Variants in TM4SF4 observed in about 807,000 individuals in gnomAD.
TM4SF4 encodes transmembrane 4 L six family member 4.
A neutral mutation model predicts 24.1 loss-of-function variants in TM4SF4; 24 were observed. That is an observed-to-expected ratio of 1.00 (90% CI 0.72 to 1.40). The LOEUF (loss-of-function observed/expected upper bound fraction) is 1.40. TM4SF4 is among the 40% of genes most tolerant of loss of function. The probability of loss-of-function intolerance (pLI) is 0.00; values close to 1 mark genes in which losing one functional copy is unlikely to be tolerated. For synonymous variants in TM4SF4, 113 were observed against 97.0 expected (o/e 1.17, Z -0.97); for missense variants, 254 against 254.2 (o/e 1.00, Z 0.01).
intron 1 of TM4SF4, 32 bp downstream of exon 1, chr3:149,475,083 G>C: frequency 6.3e-7 from 1 of 1,589,932 alleles, no homozygotes; most frequent in Non-Finnish European, 8.5e-7. Context: ...CCCCCTAAGG[G>C]AGATTTTCCC....
chr3:149,482,604 T>C (rs569906971), intron 2 of TM4SF4, among the ~76,000 whole-genome samples: 1 of 152,152 alleles, frequency 6.6e-6, no homozygotes, highest in African/African-American at 2.4e-5. Flanking sequence ...AGTGCAGTGG[T>C]GCAATCTCAG....
At chr3:149,497,969 A>G (rs1384490157) in intron 3 of TM4SF4, among the ~76,000 whole-genome samples, 4 of 152,034 alleles carry the variant, frequency 2.6e-5, no homozygotes, top group Non-Finnish European at 5.9e-5. Flanking sequence ...ATTGCAATAA[A>G]CTCTTTATAT....
intron 3 of TM4SF4, among the ~76,000 whole-genome samples, chr3:149,490,741 T>C (rs1374908869): frequency 6.6e-6 from 1 of 152,214 alleles, no homozygotes; most frequent in African/African-American, 2.4e-5. Flanking sequence ...CATAAGCATA[T>C]AGTAACTGTT....
At position 149,475,010 on chromosome 3, in the gene TM4SF4, G is replaced by A; in HGVS notation, c.133G>A (p.Glu45Lys). Residue 45 changes from glutamate (E) to lysine (K), a missense_variant, in exon 1 of 5, where the codon GAG (glutamate) becomes AAG (lysine). Physicochemically the swap from Glu to Lys is moderately conservative, Grantham distance 56. Coordinates refer to ENST00000305354, the MANE Select transcript of TM4SF4 (RefSeq NM_004617.4). ...VIDDNDHLSQ[E>K]IWFFGGILGS... is the part of the protein sequence containing the mutation. ...AGATGACAACGACCACCTTTCCCAA[G>A]AGATCTGGTTTTTCGGAGGAATATT... is the stretch of plus-strand genomic sequence containing the variant. 1.9e-6 allele frequency: 3 copies of A among 1,613,834 alleles called. No homozygotes were observed. The highest frequency in any genetic ancestry group is 1.3e-5 in the African/African-American group (1 of 74,994).
rs190807463 is a variant in TM4SF4, at chr3:149,495,460, A to T, written c.402-3262A>T. Reference sequence around the variant, plus strand: ...GGAAACTGGTGTTCTCAAACCCAGCATGGTGGTCACCTTTGCTCCAGTCAA... The same window carrying T: ...GGAAACTGGTGTTCTCAAACCCAGCTTGGTGGTCACCTTTGCTCCAGTCAA... On this transcript the variant is annotated intron_variant, in intron 3 of 4. Coordinates refer to ENST00000305354, the MANE Select transcript of TM4SF4 (RefSeq NM_004617.4). 10 of 423,816 alleles carry T rather than the reference A, an allele frequency of 2.4e-5. 1 individual carries two copies. The Admixed American group carries it at 2.7e-4, about 12-fold the overall frequency. The allele number at this position is 423,816 out of a possible 1,614,324, so 26.3% of individuals were successfully genotyped here.
chr3:149,475,897 T>G lies in TM4SF4; in HGVS notation c.249T>G (p.Cys83Trp), dbSNP rs1802837. ...DCCGCCGNEG[C>W]GKRFAMFTST... Reference sequence around the variant, plus strand: ...GTGGGTGCTGCGGCAACGAGGGCTGTGGGAAGCGATTTGCGGTGAGTTACC... The same window carrying G: ...GTGGGTGCTGCGGCAACGAGGGCTGGGGGAAGCGATTTGCGGTGAGTTACC... Residue 83 changes from cysteine (C) to tryptophan (W), a missense_variant, in exon 2 of 5, where the codon TGT becomes TGG. Transcript: ENST00000305354. 2 of 1,611,384 alleles carry G rather than the reference T, an allele frequency of 1.2e-6. No homozygotes were observed. Among genetic ancestry groups the G allele is most frequent in the South Asian group, 1.1e-5 (1 of 90,540 alleles).
At chr3:149,493,266 T>C (rs1358701358) in intron 3 of TM4SF4, among the ~76,000 whole-genome samples, 3 of 152,220 alleles carry the variant, frequency 2.0e-5, no homozygotes, top group Admixed American at 1.3e-4. Flanking sequence ...AAAACCTCTT[T>C]ATTGTGATAT....
At chr3:149,482,068 G>T (rs566144327) in intron 2 of TM4SF4, among the ~76,000 whole-genome samples, 1 of 152,294 alleles carries the variant, frequency 6.6e-6, no homozygotes, top group African/African-American at 2.4e-5. Flanking sequence ...GTGAGGCACT[G>T]GGGATTACTA....
At chr3:149,486,569 G>A (rs1734120251) in intron 2 of TM4SF4, among the ~76,000 whole-genome samples, 1 of 152,106 alleles carries the variant, frequency 6.6e-6, no homozygotes, top group Non-Finnish European at 1.5e-5. Context: ...TAACCTAGCT[G>A]GGTTCCAGGA....
chr3:149,491,987 C>T (rs1734219389), intron 3 of TM4SF4, among the ~76,000 whole-genome samples: 1 of 152,100 alleles, frequency 6.6e-6, no homozygotes, highest in Non-Finnish European at 1.5e-5. Context: ...CAGGGCACAG[C>T]AGGGGACTTC....
At chr3:149,492,674 C>T (rs911697111) in intron 3 of TM4SF4, among the ~76,000 whole-genome samples, 2 of 152,130 alleles carry the variant, frequency 1.3e-5, no homozygotes, top group Non-Finnish European at 2.9e-5. Context: ...TAGAAAGAGT[C>T]AAGGGCAAGG....
chr3:149,496,244 C>T (rs1283844139), intron 3 of TM4SF4, among the ~76,000 whole-genome samples: 1 of 151,866 alleles, frequency 6.6e-6, no homozygotes, highest in South Asian at 2.1e-4. Context: ...GGGTCTCACT[C>T]TGTCACCCAG....
chr3:149,479,775 C>A (rs985630144), intron 2 of TM4SF4, among the ~76,000 whole-genome samples: 2 of 152,152 alleles, frequency 1.3e-5, no homozygotes, highest in Non-Finnish European at 2.9e-5. Context: ...AATCCTCTGT[C>A]CTCTCTACAG....
chr3:149,484,613 G>A (rs1431603264), intron 2 of TM4SF4, among the ~76,000 whole-genome samples: 1 of 150,552 alleles, frequency 6.6e-6, no homozygotes, highest in Admixed American at 6.6e-5. Context: ...GTGCAGTAGC[G>A]TGATCTCAGC....
chr3:149,475,948 C>T (rs766414721), intron 2 of TM4SF4, 36 bp downstream of exon 2: 1 of 1,557,574 alleles, frequency 6.4e-7, no homozygotes. Flanking sequence ...TAGAATTACT[C>T]CAGGGTGCTC....
intron 3 of TM4SF4, among the ~76,000 whole-genome samples, chr3:149,489,223 C>T (rs142819285): frequency 3.9e-5 from 6 of 152,190 alleles, no homozygotes; most frequent in Admixed American, 3.9e-4. Flanking sequence ...GCAGGCTGAG[C>T]CCCCACAACC....
At chr3:149,495,935 G>T (rs918095255) in intron 3 of TM4SF4, 1 of 255,980 alleles carries the variant, frequency 3.9e-6, no homozygotes, top group Non-Finnish European at 7.7e-6. Context: ...ATCAAAGCCA[G>T]GAACAAGAAG....
At position 149,475,836 on chromosome 3, in the gene TM4SF4, C is replaced by A. The variant is rs188249785; in HGVS notation, c.188C>A (p.Ala63Glu). 3 of 1,611,610 alleles carry A rather than the reference C, an allele frequency of 1.9e-6. No individual in the cohort carries two copies. The highest frequency in any genetic ancestry group is 2.7e-5 in the African/African-American group (2 of 74,976). Residue 63 changes from alanine to glutamate, a missense_variant, in exon 2 of 5, where the codon GCG becomes GAG. Coordinates refer to ENST00000305354, the MANE Select transcript of TM4SF4 (RefSeq NM_004617.4). ...TTCTCCTGGTAGATGATCTTCCCTGCGCTGGTGTTCTTGGGCCTGAAGAAC... is the reference window on the plus strand; with the variant it reads ...TTCTCCTGGTAGATGATCTTCCCTGAGCTGGTGTTCTTGGGCCTGAAGAAC... ...LGSGVLMIFP[A>E]LVFLGLKNND...
chr3:149,478,446 G>GA (rs950272423), intron 2 of TM4SF4, among the ~76,000 whole-genome samples: 98 of 151,834 alleles, frequency 6.5e-4, no homozygotes, highest in Non-Finnish European at 1.0e-3. Flanking sequence ...CACCTGGCCG[G>GA]AAAAAAAATG....
Sources: gnomAD v4.1 joint callset for allele counts (sites outside exome capture counted in the v4.1 genomes callset) on GRCh38, gnomAD v4.1.1 for gene constraint, MANE v1.5 for transcripts, NCBI Gene and HGNC (gene_info 2026-07-23, HGNC 2026-07-21) for gene names.